The following R3HCC1L variants were observed in gnomAD, a reference collection of about 807,000 sequenced individuals.
The protein encoded by R3HCC1L is coiled-coil domain-containing protein R3HCC1L.
In R3HCC1L, 51 loss-of-function variants were observed where a neutral mutation model predicts 59.9. That is an observed-to-expected ratio of 0.85 (90% CI 0.68 to 1.07). R3HCC1L has a LOEUF of 1.07. R3HCC1L is among the 50% of genes least tolerant of loss of function. The pLI is 0.00. For synonymous variants in R3HCC1L, 322 were observed against 315.2 expected (o/e 1.02, Z -0.23); for missense variants, 965 against 933.0 (o/e 1.03, Z -0.45).
chr10:98,225,309 GC>G (rs1285998273), intron 5 of R3HCC1L, among the ~76,000 whole-genome samples: 1 of 152,128 alleles, frequency 6.6e-6, no homozygotes, highest in Non-Finnish European at 1.5e-5. Flanking sequence ...CCTCTTCACA[GC>G]CTTTCTTTGC....
At chr10:98,238,378 T>C (rs184290747) in intron 9 of R3HCC1L, among the ~76,000 whole-genome samples, 119 of 152,302 alleles carry the variant, frequency 7.8e-4, no homozygotes, top group Non-Finnish European at 1.6e-3. Flanking sequence ...ATAATCTGCC[T>C]TGAGTAGGGA....
At chr10:98,218,741 T>C (rs1854511398) in intron 5 of R3HCC1L, among the ~76,000 whole-genome samples, 1 of 152,196 alleles carries the variant, frequency 6.6e-6, no homozygotes, top group Admixed American at 6.5e-5. Context: ...ATTTTCTGTC[T>C]AGATGATCTG....
intron 4 of R3HCC1L, among the ~76,000 whole-genome samples, chr10:98,197,736 T>C (rs1334646875): frequency 6.6e-6 from 1 of 152,190 alleles, no homozygotes; most frequent in East Asian, 1.9e-4. Flanking sequence ...GAGAGGCAGA[T>C]GTGCAAACAA....
At chr10:98,186,717 G>A (rs1850259002) in intron 4 of R3HCC1L, among the ~76,000 whole-genome samples, 1 of 152,152 alleles carries the variant, frequency 6.6e-6, no homozygotes, top group East Asian at 1.9e-4. Context: ...CAAGATTTCA[G>A]TGCTTAAGGT....
At chr10:98,222,544 A>G (rs1349363457) in intron 5 of R3HCC1L, among the ~76,000 whole-genome samples, 4 of 151,942 alleles carry the variant, frequency 2.6e-5, no homozygotes, top group Non-Finnish European at 4.4e-5. Context: ...ATTATTTTGA[A>G]ATACGTCCCA....
At chr10:98,241,757 G>T (rs1456376642) in intron 9 of R3HCC1L, among the ~76,000 whole-genome samples, 2 of 152,024 alleles carry the variant, frequency 1.3e-5, no homozygotes, top group Non-Finnish European at 2.9e-5. Flanking sequence ...AGTAGAAAGT[G>T]TGCTGGTGAA....
Position 98,208,197 on chromosome 10 carries a change from C to T in R3HCC1L, c.83C>T (p.Ala28Val), listed in dbSNP as rs763902171. 3 of 1,614,022 alleles carry T rather than the reference C, an allele frequency of 1.9e-6. No homozygotes were observed. Among genetic ancestry groups the T allele is most frequent in the African/African-American group, 1.3e-5 (1 of 75,020 alleles). Residue 28 changes from alanine to valine, a missense_variant, in exon 5 of 10, where the codon GCA (alanine) becomes GTA (valine). Ala to Val is a moderately conservative substitution (Grantham distance 64). Transcript: ENST00000298999. Reference protein sequence around the residue: ...ALYVPKARRGAVLLKTGDEEE... With the variant: ...ALYVPKARRGVVLLKTGDEEE... ...TATGTACCTAAAGCTCGTAGGGGTG[C>T]AGTACTCCTTAAGACAGGTGATGAA...
chr10:98,236,309 T>C (rs1217491198), intron 9 of R3HCC1L, 145 bp downstream of exon 9: 1 of 1,054,684 alleles, frequency 9.5e-7, no homozygotes, highest in Non-Finnish European at 1.4e-6. Flanking sequence ...TTTTCATGCC[T>C]TACGTCCAGG....
At chr10:98,169,320 A>G (rs1848278588) in intron 4 of R3HCC1L, among the ~76,000 whole-genome samples, 1 of 152,212 alleles carries the variant, frequency 6.6e-6, no homozygotes, top group Non-Finnish European at 1.5e-5. Flanking sequence ...TTGAAATCCT[A>G]ACCAACACTT....
At chr10:98,202,591 C>T (rs1021473764) in intron 4 of R3HCC1L, among the ~76,000 whole-genome samples, 3 of 151,994 alleles carry the variant, frequency 2.0e-5, no homozygotes, top group Non-Finnish European at 2.9e-5. Context: ...CGGTGGCTCA[C>T]GCTTGTAATC....
At chr10:98,236,294 A>G in intron 9 of R3HCC1L, 130 bp downstream of exon 9, 1 of 1,205,392 alleles carries the variant, frequency 8.3e-7, no homozygotes, top group Non-Finnish European at 1.2e-6. Flanking sequence ...CTAAGTGTAT[A>G]GAAATTTTCA....
At chr10:98,174,478 C>T (rs1848803125) in intron 4 of R3HCC1L, 2 of 702,814 alleles carry the variant, frequency 2.8e-6, no homozygotes, top group Non-Finnish European at 3.5e-6. Flanking sequence ...AAGATACTAT[C>T]TGCCCTCAAG....
chr10:98,163,076 T>C (rs933245053), intron 3 of R3HCC1L, 101 bp downstream of exon 3: 23 of 217,252 alleles, frequency 1.1e-4, no homozygotes, highest in Non-Finnish European at 2.1e-4. Flanking sequence ...TCCTCAGGTC[T>C]GAGAATGACA....
Position 98,209,504 on chromosome 10 carries a change from G to C in R3HCC1L, c.1390G>C (p.Glu464Gln), listed in dbSNP as rs763067404. The change falls in exon 5 of 10, where the codon GAG becomes CAG. Residue 464 changes from glutamate (E) to glutamine (Q), a missense_variant. Transcript: ENST00000298999. ...TACAGAGTCAACAGGAAAGTTGATA[G>C]AGAGCTTGTCAGATTGTGCTTCCTC... ...HFTESTGKLI[E>Q]SLSDCASSLP... 3 of 1,613,790 alleles carry C rather than the reference G, an allele frequency of 1.9e-6. No homozygotes were observed. Among genetic ancestry groups the C allele is most frequent in the Admixed American group, 3.3e-5 (2 of 59,996 alleles).
At chr10:98,147,971 T>G (rs1034427343) in intron 1 of R3HCC1L, among the ~76,000 whole-genome samples, 4 of 152,190 alleles carry the variant, frequency 2.6e-5, no homozygotes, top group African/African-American at 9.6e-5. Flanking sequence ...TGATAGAGAT[T>G]GCATTGAATC....
chr10:98,200,980 A>G (rs1328440449), intron 4 of R3HCC1L, among the ~76,000 whole-genome samples: 1 of 152,184 alleles, frequency 6.6e-6, no homozygotes, highest in Non-Finnish European at 1.5e-5. Flanking sequence ...TAACCCAATC[A>G]TATAACTCCC....
intron 6 of R3HCC1L, among the ~76,000 whole-genome samples, chr10:98,232,449 T>C (rs11189521): frequency 3.3e-5 from 5 of 152,016 alleles, no homozygotes; most frequent in Admixed American, 1.3e-4. Context: ...GTATAGCTGA[T>C]ACTTATATAG....
At chr10:98,165,507 CTTG>C (rs1847855791) in intron 4 of R3HCC1L, among the ~76,000 whole-genome samples, 2 of 152,154 alleles carry the variant, frequency 1.3e-5, no homozygotes, top group Admixed American at 1.3e-4. Flanking sequence ...AAATGTACAT[CTTG>C]TTATTTATTT....
intron 1 of R3HCC1L, among the ~76,000 whole-genome samples, chr10:98,144,174 A>G (rs1333209548): frequency 6.6e-6 from 1 of 152,068 alleles, no homozygotes; most frequent in Non-Finnish European, 1.5e-5. Flanking sequence ...AGCATGAGTT[A>G]TATTACTGGG....
Sources: gnomAD v4.1 joint callset for allele counts (sites outside exome capture counted in the v4.1 genomes callset) on GRCh38, gnomAD v4.1.1 for gene constraint, MANE v1.5 for transcripts, NCBI Gene and HGNC (gene_info 2026-07-23, HGNC 2026-07-21) for gene names.